The following PASK variants were observed in gnomAD, a reference collection of about 807,000 sequenced individuals.
The protein encoded by PASK is PAS domain-containing serine/threonine-protein kinase.
In PASK, 110 loss-of-function variants were observed where a neutral mutation model predicts 121.0. That is an observed-to-expected ratio of 0.91 (90% CI 0.78 to 1.06). PASK has a LOEUF of 1.06. Ranked by LOEUF, PASK falls within the 50% of genes least tolerant of loss-of-function variation. The probability of loss-of-function intolerance (pLI) is 0.00; values close to 1 mark genes in which losing one functional copy is unlikely to be tolerated. For missense variants in PASK, 1,643 were observed against 1,702.3 expected (o/e 0.97, Z 0.61); for synonymous variants, 686 against 717.8 (o/e 0.96, Z 0.71).
intron 11 of PASK, among the ~76,000 whole-genome samples, chr2:241,123,174 CTTTTTT>C (rs528024638): frequency 7.5e-6 from 1 of 132,930 alleles, no homozygotes; most frequent in African/African-American, 2.8e-5. Context: ...AAAGTGGCTT[CTTTTTT>C]TTTTTTTTTT....
chr2:241,138,711 G>A lies in PASK; in HGVS notation c.684C>T (p.Cys228=), dbSNP rs754057997. The part of the protein sequence containing the change: ...KRMRQERRLC[C]VVVLEPVERV... ...TCTCCACGGGCTCCAGGACCACCAC[G>A]CAGCATAGGCGGCGCTCCTGCCGCA... Residue 228 remains cysteine, a synonymous_variant, in exon 5 of 18, where the codon TGC becomes TGT. Coordinates refer to ENST00000234040, the MANE Select transcript of PASK (RefSeq NM_015148.4). 16 of 1,613,898 alleles carry A rather than the reference G, an allele frequency of 9.9e-6. No homozygotes were observed. The highest frequency in any genetic ancestry group is 1.2e-5 in the Non-Finnish European group (14 of 1,179,968).
In PASK at chr2:241,142,890, AG is replaced by A. The variant is rs764089741; in HGVS notation, c.142del (p.Leu48Ter). ...TCTGGAAAGCCCATTCCTTCTGCTC[AG>A]GTGTCTGTGGGCTGAGGAAAACGAC... ...SRSFSSAHRH[L>X]SRRNGLSRLC... On this transcript the variant is annotated frameshift_variant, in exon 2 of 18. Transcript: ENST00000234040. LOFTEE classifies it high-confidence loss of function. The A allele has an allele frequency of 7.4e-6, 12 of 1,614,090 alleles. 1 individual carries two copies. In the South Asian group the frequency reaches 1.2e-4, roughly 16 times the overall value.
intron 12 of PASK, among the ~76,000 whole-genome samples, chr2:241,119,804 C>G (rs982813142): frequency 2.6e-5 from 4 of 152,126 alleles, no homozygotes; most frequent in African/African-American, 9.7e-5. Context: ...CCTTCTGCCC[C>G]ACTCTGTTCC....
Position 241,122,651 on chromosome 2 carries a change from C to G in PASK, c.3072+81G>C, listed in dbSNP as rs1018092212. 8 of 1,389,738 alleles carry G rather than the reference C, an allele frequency of 5.8e-6. No homozygotes were observed. The Admixed American group carries it at 6.7e-5, about 12-fold the overall frequency. The allele number at this position is 1,389,738 out of a possible 1,614,324, so 86.1% of individuals were successfully genotyped here. A position where few individuals can be genotyped will look rare whatever the true frequency, so the allele number is the denominator to read the frequency against. On this transcript the variant is annotated intron_variant, in intron 12 of 17. Coordinates refer to ENST00000234040, the MANE Select transcript of PASK (RefSeq NM_015148.4). ...TACCTAGAGGACTCCTCCAAAAACC[C>G]CAGGTTTGAGAACTGGGACCAAAAG... is the stretch of plus-strand genomic sequence containing the variant.
At chr2:241,115,235 G>T in intron 13 of PASK, 53 bp downstream of exon 13, 1 of 1,613,962 alleles carries the variant, frequency 6.2e-7, no homozygotes, top group East Asian at 2.2e-5. Context: ...TCAACAAATT[G>T]AAGACATTTG....
intron 12 of PASK, among the ~76,000 whole-genome samples, chr2:241,115,988 C>T (rs193207173): frequency 7.9e-6 from 1 of 125,846 alleles, no homozygotes; most frequent in Non-Finnish European, 1.5e-5. Flanking sequence ...CATCCCATTA[C>T]ACCAGGGGCC....
At chr2:241,128,017 C>T (rs555051320) in intron 9 of PASK, among the ~76,000 whole-genome samples, 27 of 152,360 alleles carry the variant, frequency 1.8e-4, no homozygotes, top group African/African-American at 4.3e-4. Context: ...TGGTGGCTCA[C>T]GCCTGTAATC....
intron 2 of PASK, among the ~76,000 whole-genome samples, chr2:241,142,121 G>A (rs374328457): frequency 7.7e-5 from 11 of 142,424 alleles, no homozygotes; most frequent in African/African-American, 2.3e-4. Flanking sequence ...AGGGCCCTCC[G>A]CTCTACACCC....
At position 241,108,300 on chromosome 2, in the gene PASK, G is replaced by A; in HGVS notation, c.3534C>T (p.Pro1178=). The A allele has an allele frequency of 1.2e-6, 2 of 1,614,036 alleles. No homozygotes were observed. Among genetic ancestry groups the A allele is most frequent in the South Asian group, 1.1e-5 (1 of 91,086 alleles). ...ACATCTCCAGCTCCGGCCCTCTGTA[G>A]CTGTGAGGAGGAGGAGGCATCAGGA... ...YCAPEVLMGN[P]YRGPELEMWS... The change falls in exon 16 of 18, where the codon CCC becomes CCT. Residue 1178 remains proline, a splice_region_variant and synonymous_variant. Coordinates refer to ENST00000234040, the MANE Select transcript of PASK (RefSeq NM_015148.4). This position sits in a 1 kb window ranked among gnomAD's most constrained non-coding sequence, Gnocchi z 5.2.
intron 12 of PASK, among the ~76,000 whole-genome samples, chr2:241,119,556 G>A (rs1028917798): frequency 4.0e-5 from 6 of 148,532 alleles, no homozygotes; most frequent in Non-Finnish European, 5.9e-5. Flanking sequence ...TGCAAGCTCC[G>A]CCTCCCGGGT....
chr2:241,118,797 G>C, intron 12 of PASK: 2 of 457,882 alleles, frequency 4.4e-6, no homozygotes, highest in South Asian at 1.4e-4. Context: ...CCTGGCCAAG[G>C]AACAGGCCAG....
chr2:241,131,150 A>T (rs796462257), intron 9 of PASK, among the ~76,000 whole-genome samples: 3 of 141,862 alleles, frequency 2.1e-5, no homozygotes, highest in Non-Finnish European at 3.1e-5. Flanking sequence ...CATGTATTAC[A>T]TTTTTTTTTT....
At position 241,112,115 on chromosome 2, in the gene PASK, C is replaced by T. The variant is rs1358448736; in HGVS notation, c.3533+125G>A. 5.1e-6 allele frequency: 4 copies of T among 787,310 alleles called. No individual in the cohort carries two copies. Among genetic ancestry groups the T allele is most frequent in the Non-Finnish European group, 8.9e-6 (4 of 450,570 alleles). The allele number at this position is 787,310 out of a possible 1,614,324, so 48.8% of individuals were successfully genotyped here. A position where few individuals can be genotyped will look rare whatever the true frequency, so the allele number is the denominator to read the frequency against. On this transcript the variant is annotated intron_variant, in intron 15 of 17. Transcript: ENST00000234040. This position sits in a 1 kb window ranked among gnomAD's most constrained non-coding sequence, Gnocchi z 5.2. ...TGCCCACTTACTTTCCAGCATATCACCCTGACCACTCAACACTCATCACAA... is the reference window on the plus strand; with the variant it reads ...TGCCCACTTACTTTCCAGCATATCATCCTGACCACTCAACACTCATCACAA...
In PASK at chr2:241,126,755, C is replaced by T. The variant is rs562909050; in HGVS notation, c.2160G>A (p.Thr720=). 1.9e-5 allele frequency: 30 copies of T among 1,614,092 alleles called. 1 individual carries two copies. Among genetic ancestry groups the T allele is most frequent in the South Asian group, 1.4e-4 (13 of 91,090 alleles). ...CTGCTTCCAGGCCCCCAGGGAGGTC[C>T]GTGGCCAAGGCATAGCAGGCTGAGG... ...GSSSACYALA[T]DLPGGLEAVE... Residue 720 remains threonine, a synonymous_variant, in exon 10 of 18, where the codon ACG becomes ACA. Coordinates refer to ENST00000234040, the MANE Select transcript of PASK (RefSeq NM_015148.4).
At chr2:241,129,973 A>C (rs957758127) in intron 9 of PASK, among the ~76,000 whole-genome samples, 2 of 152,196 alleles carry the variant, frequency 1.3e-5, no homozygotes, top group African/African-American at 4.8e-5. Context: ...TTCAGCATCC[A>C]TTTGCTAAAA....
At chr2:241,144,734 G>C (rs2066873274) in intron 1 of PASK, among the ~76,000 whole-genome samples, 1 of 152,184 alleles carries the variant, frequency 6.6e-6, no homozygotes, top group Non-Finnish European at 1.5e-5. Flanking sequence ...GGGTGAAGAG[G>C]AAAGGGGAGG....
At chr2:241,119,678 G>C (rs1307217507) in intron 12 of PASK, among the ~76,000 whole-genome samples, 1 of 152,108 alleles carries the variant, frequency 6.6e-6, no homozygotes, top group Non-Finnish European at 1.5e-5. Flanking sequence ...CACCGTGTTA[G>C]CCAGGATGGT....
chr2:241,118,271 T>C (rs1047120061), intron 12 of PASK, among the ~76,000 whole-genome samples: 1 of 151,104 alleles, frequency 6.6e-6, no homozygotes, highest in Non-Finnish European at 1.5e-5. Context: ...TTTCATAACT[T>C]ACTACAGAGC....
chr2:241,107,664 G>A (rs563469211), intron 16 of PASK, among the ~76,000 whole-genome samples, 165 bp from the exon 17 acceptor site: 1 of 152,334 alleles, frequency 6.6e-6, no homozygotes, highest in Non-Finnish European at 1.5e-5. Flanking sequence ...GAAGCTGCAG[G>A]AAACATTCAT....
Sources: allele counts gnomAD v4.1 joint callset (sites outside exome capture counted in the v4.1 genomes callset), GRCh38; gene constraint gnomAD v4.1.1; non-coding constraint Gnocchi (gnomAD v3.1); transcripts MANE v1.5; gene names NCBI Gene and HGNC (gene_info 2026-07-23, HGNC 2026-07-21).